Variants in GPBP1 observed in about 807,000 individuals in gnomAD.
The protein encoded by GPBP1 is GC-rich promoter binding protein 1.
A neutral mutation model predicts 56.5 loss-of-function variants in GPBP1; 13 were observed. The observed-to-expected ratio is 0.23, with a 90% CI of 0.15 to 0.37. The LOEUF is 0.37. GPBP1 is among the 10% of genes least tolerant of loss of function. The pLI is 1.00. For synonymous variants in GPBP1, 204 were observed against 188.9 expected (o/e 1.08, Z -0.66); for missense variants, 477 against 572.3 (o/e 0.83, Z 1.70).
chr5:57,244,607 T>G (rs1446460456), intron 6 of GPBP1, among the ~76,000 whole-genome samples: 1 of 152,198 alleles, frequency 6.6e-6, no homozygotes, highest in Non-Finnish European at 1.5e-5. Flanking sequence ...TCACATTTTA[T>G]TAATGTCAAG....
Position 57,262,724 on chromosome 5 carries a change from G to C in GPBP1, c.1394G>C (p.Ser465Thr), listed in dbSNP as rs1297754869. The C allele has an allele frequency of 1.2e-6, 2 of 1,613,588 alleles. No individual in the cohort carries two copies. The highest frequency in any genetic ancestry group is 2.7e-5 in the African/African-American group (2 of 74,908). ...TENDDTETSS[S>T]DTSDDDDV The stretch of plus-strand genomic sequence containing the variant: ...AATGATGACACAGAGACAAGTAGCA[G>C]TGATACATCAGATGACGACGATGTG... The change falls in exon 12 of 12, where the codon AGT (serine) becomes ACT (threonine). Residue 465 changes from serine (S) to threonine (T), a missense_variant. Physicochemically the swap from Ser to Thr is moderately conservative, Grantham distance 58. Coordinates refer to ENST00000506184, the MANE Select transcript of GPBP1 (RefSeq NM_022913.4).
At chr5:57,240,429 C>T (rs182200298) in intron 6 of GPBP1, among the ~76,000 whole-genome samples, 28 of 152,266 alleles carry the variant, frequency 1.8e-4, no homozygotes. Context: ...CACTTATAAG[C>T]CTCTTACCCC....
At chr5:57,235,883 C>G (rs1756641501) in intron 5 of GPBP1, 83 bp from the exon 6 acceptor site, 3 of 930,356 alleles carry the variant, frequency 3.2e-6, no homozygotes, top group Non-Finnish European at 3.5e-6. Context: ...TTTGATTCAT[C>G]AGTTACAACA....
intron 3 of GPBP1, among the ~76,000 whole-genome samples, chr5:57,230,484 T>G (rs571350159): frequency 5.9e-5 from 9 of 152,340 alleles, no homozygotes; most frequent in African/African-American, 1.9e-4. Context: ...TTCTCTGATG[T>G]AGAAGGAAAC....
chr5:57,189,918 T>G (rs551210783), intron 2 of GPBP1, among the ~76,000 whole-genome samples: 1 of 152,330 alleles, frequency 6.6e-6, no homozygotes, highest in Non-Finnish European at 1.5e-5. Flanking sequence ...CCTAACTTTC[T>G]CTGAGATTCT....
chr5:57,196,180 T>C (rs1754741768), intron 2 of GPBP1, among the ~76,000 whole-genome samples: 1 of 151,990 alleles, frequency 6.6e-6, no homozygotes, highest in African/African-American at 2.4e-5. Flanking sequence ...TTTCTTAATA[T>C]TTTGTAGAGC....
At chr5:57,239,694 C>T (rs371944985) in intron 6 of GPBP1, among the ~76,000 whole-genome samples, 1 of 152,036 alleles carries the variant, frequency 6.6e-6, no homozygotes, top group Non-Finnish European at 1.5e-5. Flanking sequence ...GCATGAAAAT[C>T]GCTTGAACCG....
chr5:57,227,463 G>T (rs1348742706), intron 3 of GPBP1, among the ~76,000 whole-genome samples: 1 of 152,044 alleles, frequency 6.6e-6, no homozygotes, highest in Non-Finnish European at 1.5e-5. Context: ...CAAATTGCCG[G>T]GATTATGGCC....
At chr5:57,251,206 T>G in intron 10 of GPBP1, 65 bp downstream of exon 10, 1 of 1,329,244 alleles carries the variant, frequency 7.5e-7, no homozygotes, top group East Asian at 2.4e-5. Flanking sequence ...ATTATAGAGT[T>G]TTTACGTGAT....
At chr5:57,245,277 T>C (rs1741039050) in intron 6 of GPBP1, among the ~76,000 whole-genome samples, 1 of 152,242 alleles carries the variant, frequency 6.6e-6, no homozygotes, top group South Asian at 2.1e-4. Context: ...GTTCTTTTTA[T>C]CCTTTAGCAT....
chr5:57,220,051 CAA>C (rs34443889), intron 3 of GPBP1, among the ~76,000 whole-genome samples: 46 of 79,918 alleles, frequency 5.8e-4, no homozygotes, highest in Non-Finnish European at 5.6e-4. Context: ...GACCCTGTCT[CAA>C]AAAAAAAAAA....
At chr5:57,206,211 G>A (rs1267406864) in intron 2 of GPBP1, among the ~76,000 whole-genome samples, 8 of 151,746 alleles carry the variant, frequency 5.3e-5, no homozygotes, top group Non-Finnish European at 8.8e-5. Flanking sequence ...AATATTTTTT[G>A]CACATGTTTT....
chr5:57,201,794 G>T (rs1467706762), intron 2 of GPBP1, among the ~76,000 whole-genome samples: 1 of 152,116 alleles, frequency 6.6e-6, no homozygotes, highest in Non-Finnish European at 1.5e-5. Context: ...CTTTGGAGGG[G>T]TCAGGAGAAT....
intron 6 of GPBP1, among the ~76,000 whole-genome samples, chr5:57,240,724 C>T (rs1458585505): frequency 6.6e-6 from 1 of 152,094 alleles, no homozygotes; most frequent in African/African-American, 2.4e-5. Context: ...CCTGTAATCC[C>T]AGCACTTTGG....
intron 9 of GPBP1, among the ~76,000 whole-genome samples, chr5:57,250,406 A>AT (rs1353160698): frequency 6.6e-6 from 1 of 152,102 alleles, no homozygotes; most frequent in Non-Finnish European, 1.5e-5. Context: ...TGCTTGTCCC[A>AT]TCTTGCCTGC....
intron 10 of GPBP1, among the ~76,000 whole-genome samples, chr5:57,252,635 C>A (rs1741450024): frequency 6.6e-6 from 1 of 152,156 alleles, no homozygotes; most frequent in Non-Finnish European, 1.5e-5. Context: ...TGAAGCGATC[C>A]TCCCGTCTCG....
At chr5:57,246,274 C>G in intron 6 of GPBP1, 26 bp from the exon 7 acceptor site, 1 of 1,574,270 alleles carries the variant, frequency 6.4e-7, no homozygotes, top group Non-Finnish European at 8.7e-7. Context: ...TTGTGAGTGA[C>G]TCTTGGTCAT....
chr5:57,187,003 A>AGTGTGTGTGTGTGTGTGTGTGT (rs66642664), intron 2 of GPBP1, among the ~76,000 whole-genome samples: 3 of 146,674 alleles, frequency 2.0e-5, no homozygotes, highest in Non-Finnish European at 3.0e-5. Context: ...GACTCAGAGA[A>AGTGTGTGTGTGTGTGTGTGTGT]GTGTGTGTGT....
rs757132036 is a variant in GPBP1, at chr5:57,235,952, C to A, written c.412-14C>A. On this transcript the variant is annotated splice_polypyrimidine_tract_variant and intron_variant, in intron 5 of 11. Coordinates refer to ENST00000506184, the MANE Select transcript of GPBP1 (RefSeq NM_022913.4). ...TTTTTAAAATGTGAAATGTTTATTC[C>A]AACTTTCTTCCAGCCGTCTTTAAAT... 6.3e-7 allele frequency: 1 copy of A among 1,585,488 alleles called. No individual in the cohort carries two copies. Among genetic ancestry groups the A allele is most frequent in the South Asian group, 1.1e-5 (1 of 90,050 alleles).
Sources: gnomAD v4.1 joint callset for allele counts (sites outside exome capture counted in the v4.1 genomes callset) on GRCh38, gnomAD v4.1.1 for gene constraint, MANE v1.5 for transcripts, NCBI Gene and HGNC (gene_info 2026-07-23, HGNC 2026-07-21) for gene names.